OR1J2: variants seen among roughly 807,000 people sequenced by gnomAD.
OR1J2 encodes olfactory receptor family 1 subfamily J member 2, also known as olfactory receptor 1J2.
For missense variants in OR1J2, 304 were observed against 246.1 expected, an observed-to-expected ratio of 1.24 and a Z score of -1.57; for synonymous variants, 142 against 99.7, an observed-to-expected ratio of 1.42 and a Z score of -2.52.
the OR1J2 span, chr9:122,519,013 T>C: frequency 1.5e-6 from 1 of 667,142 alleles, no homozygotes. Flanking sequence ...GACATAGCAA[T>C]GTAGACAGAC....
the OR1J2 span, among the ~76,000 whole-genome samples, chr9:122,502,769 T>A: frequency 6.6e-6 from 1 of 152,240 alleles, no homozygotes; most frequent in South Asian, 2.1e-4. Flanking sequence ...TTACTGTGTT[T>A]CCTGGTAGGA....
At chr9:122,468,882 T>C in the OR1J2 span, among the ~76,000 whole-genome samples, 1 of 152,218 alleles carries the variant, frequency 6.6e-6, no homozygotes, top group African/African-American at 2.4e-5. Context: ...ACCTTAACCC[T>C]GTGGCTCTCT....
At chr9:122,499,585 C>T in the OR1J2 span, among the ~76,000 whole-genome samples, 1 of 152,084 alleles carries the variant, frequency 6.6e-6, no homozygotes, top group Admixed American at 6.5e-5. Context: ...GGAGATCTGC[C>T]TGGGCATGTA....
At chr9:122,553,528 T>C in the OR1J2 span, 1 of 1,614,010 alleles carries the variant, frequency 6.2e-7, no homozygotes, top group South Asian at 1.1e-5. Context: ...CAGCTATATT[T>C]CCTCCTTATG....
the OR1J2 span, among the ~76,000 whole-genome samples, chr9:122,565,474 G>A: frequency 6.6e-6 from 1 of 152,206 alleles, no homozygotes; most frequent in Non-Finnish European, 1.5e-5. Context: ...TTATGTATGG[G>A]TTCAGCAGCA....
At chr9:122,477,565 T>C in the OR1J2 span, 5 of 1,614,128 alleles carry the variant, frequency 3.1e-6, no homozygotes, top group East Asian at 1.1e-4. Flanking sequence ...CACATACCTG[T>C]CATATGCCAT....
the OR1J2 span, among the ~76,000 whole-genome samples, chr9:122,492,353 G>A: frequency 6.6e-6 from 1 of 152,126 alleles, no homozygotes; most frequent in East Asian, 1.9e-4. Flanking sequence ...TGGCTTCATA[G>A]TATTCCATGG....
At chr9:122,554,263 A>T in the OR1J2 span, 1 of 869,586 alleles carries the variant, frequency 1.1e-6, no homozygotes, top group Non-Finnish European at 1.8e-6. Context: ...GGGGAAGGTT[A>T]TCCGTTGACT....
At chr9:122,471,939 T>C in the OR1J2 span, among the ~76,000 whole-genome samples, 50 of 152,346 alleles carry the variant, frequency 3.3e-4, no homozygotes, top group African/African-American at 1.2e-3. Flanking sequence ...TGTTTACTAC[T>C]GTACATAACT....
the OR1J2 span, among the ~76,000 whole-genome samples, chr9:122,533,558 G>A: frequency 5.3e-5 from 8 of 152,116 alleles, no homozygotes; most frequent in African/African-American, 9.7e-5. Context: ...AGGTGTGGCT[G>A]TAGCCCAGGT....
At chr9:122,569,144 C>G in the OR1J2 span, among the ~76,000 whole-genome samples, 2 of 151,944 alleles carry the variant, frequency 1.3e-5, no homozygotes, top group African/African-American at 4.8e-5. Flanking sequence ...TTTTTTTCTG[C>G]TCTGCTCACA....
chr9:122,504,664 T>C, the OR1J2 span, among the ~76,000 whole-genome samples: 5 of 152,182 alleles, frequency 3.3e-5, no homozygotes, highest in African/African-American at 1.2e-4. Context: ...TTTCTCTGTC[T>C]GTAATGCGTC....
the OR1J2 span, among the ~76,000 whole-genome samples, chr9:122,570,397 T>C: frequency 1.3e-5 from 2 of 152,260 alleles, no homozygotes; most frequent in African/African-American, 2.4e-5. Context: ...TGGGCCTTAA[T>C]ACACCAGAAT....
chr9:122,477,341 G>T, the OR1J2 span: 5 of 1,613,954 alleles, frequency 3.1e-6, no homozygotes, highest in African/African-American at 6.7e-5. Context: ...ATTGCTAACT[G>T]ATTGAGGGAG....
chr9:122,497,356 T>A, the OR1J2 span, among the ~76,000 whole-genome samples: 2 of 152,204 alleles, frequency 1.3e-5, no homozygotes, highest in Non-Finnish European at 2.9e-5. Context: ...CTCCCGATAT[T>A]GGCCTATTCA....
upstream of OR1J2, among the ~76,000 whole-genome samples, chr9:122,508,615 A>G (rs147178277): frequency 1.3e-5 from 2 of 152,292 alleles, no homozygotes; most frequent in African/African-American, 4.8e-5. Context: ...TTAGGTAAGG[A>G]TTAGCTCTGC....
chr9:122,555,197 A>G, the OR1J2 span, among the ~76,000 whole-genome samples: 1 of 152,192 alleles, frequency 6.6e-6, no homozygotes, highest in Non-Finnish European at 1.5e-5. Flanking sequence ...TCTGAGATCA[A>G]GTTCATCCGG....
the OR1J2 span, among the ~76,000 whole-genome samples, chr9:122,495,616 G>A: frequency 6.6e-6 from 1 of 151,690 alleles, no homozygotes; most frequent in African/African-American, 2.4e-5. Flanking sequence ...ATTTCTTTAA[G>A]TTGCACTTCA....
chr9:122,464,146 C>G, the OR1J2 span, among the ~76,000 whole-genome samples: 2 of 152,116 alleles, frequency 1.3e-5, no homozygotes, highest in Non-Finnish European at 2.9e-5. Context: ...GTGTGGTTCC[C>G]AGGCCAATGG....
Sources: gnomAD v4.1 joint callset for allele counts (sites outside exome capture counted in the v4.1 genomes callset) on GRCh38, gnomAD v4.1.1 for gene constraint, MANE v1.5 for transcripts, NCBI Gene and HGNC (gene_info 2026-07-23, HGNC 2026-07-21) for gene names.